Variants in GTPBP1 observed in about 807,000 individuals in gnomAD.
The protein encoded by GTPBP1 is GTP binding protein 1, also known as GTP-binding protein 1.
Under a neutral mutation model 62.0 loss-of-function variants are expected in GTPBP1, and 23 were observed. The ratio of observed to expected loss-of-function variants is 0.37; its 90% CI spans 0.27 to 0.53. The LOEUF (loss-of-function observed/expected upper bound fraction) is 0.53, where lower values mean the gene tolerates loss of function less well. GTPBP1 is among the 20% of genes least tolerant of loss of function. The pLI, the probability that GTPBP1 is intolerant of heterozygous loss-of-function variation, is 0.89. For synonymous variants in GTPBP1, 344 were observed against 364.4 expected (o/e 0.94, Z 0.64); for missense variants, 640 against 917.3 (o/e 0.70, Z 3.90).
downstream of GTPBP1, chr22:38,740,575 G>C (rs972157489): frequency 5.6e-6 from 5 of 885,660 alleles, no homozygotes; most frequent in South Asian, 1.1e-4. The surrounding 1 kb of genome is among the most constrained non-coding windows in gnomAD (Gnocchi z 4.8). Flanking sequence ...AAGGGGCAAG[G>C]CCTCTCCTGG....
downstream of GTPBP1, chr22:38,737,782 C>A (rs1262553566): frequency 4.9e-6 from 2 of 405,278 alleles, no homozygotes; most frequent in Non-Finnish European, 9.8e-6. This position sits in a 1 kb window ranked among gnomAD's most constrained non-coding sequence, Gnocchi z 4.1. Context: ...GATCGGATGC[C>A]CACTGAAGTT....
At chr22:38,725,789 T>C in intron 6 of GTPBP1, 2 of 568,318 alleles carry the variant, frequency 3.5e-6, no homozygotes, top group South Asian at 4.4e-5. Context: ...GAGACAGAAC[T>C]GAGTGAGAGA....
chr22:38,723,290 AAAT>A (rs1353314134), intron 5 of GTPBP1: 3 of 887,002 alleles, frequency 3.4e-6, no homozygotes, highest in African/African-American at 3.3e-5. Flanking sequence ...TGTACCCTTA[AAAT>A]AGGGTGCATG....
chr22:38,729,461 G>A lies in GTPBP1; in HGVS notation c.1717-1G>A. The A allele has an allele frequency of 6.3e-7, 1 of 1,596,276 alleles. No individual in the cohort carries two copies. The highest frequency in any genetic ancestry group is 1.1e-5 in the South Asian group (1 of 89,276). ...TCAGCCTCTCTCCATGGCTCCCACA[G>A]CTCCTCCAGACCACCAACAACTCCC... On this transcript the variant is annotated splice_acceptor_variant, in intron 10 of 11. Transcript: ENST00000216044. LOFTEE classifies it high-confidence loss of function.
Position 38,727,365 on chromosome 22 carries a change from C to A in GTPBP1, c.1537+17C>A. 1 of 1,532,726 alleles carries A rather than the reference C, an allele frequency of 6.5e-7. No homozygotes were observed. The highest frequency in any genetic ancestry group is 8.8e-7 in the Non-Finnish European group (1 of 1,137,422). The allele number at this position is 1,532,726 out of a possible 1,614,324, so 94.9% of individuals were successfully genotyped here. A position where few individuals can be genotyped will look rare whatever the true frequency, so the allele number is the denominator to read the frequency against. On this transcript the variant is annotated intron_variant, in intron 9 of 11. Transcript: ENST00000216044. This position sits in a 1 kb window ranked among gnomAD's most constrained non-coding sequence, Gnocchi z 6.5. ...AGGCCATGGGTAGGTGTCTAAGGCC[C>A]TGCCAGCCCAGGAGGCCGTCGTGTT...
Position 38,716,939 on chromosome 22 carries a change from A to G in GTPBP1, c.773A>G (p.Lys258Arg). 6.2e-7 allele frequency: 1 copy of G among 1,614,046 alleles called. No homozygotes were observed. The highest frequency in any genetic ancestry group is 8.5e-7 in the Non-Finnish European group (1 of 1,179,904). Residue 258 changes from lysine (K) to arginine (R), a missense_variant, in exon 4 of 12, where the codon AAG (lysine) becomes AGG (arginine). By Grantham distance (26) the Lys-to-Arg change is conservative. Around this residue, in one of 4 missense-constraint regions of GTPBP1, gnomAD observed 88 missense variants for 217.0 expected, o/e 0.41. Coordinates refer to ENST00000216044, the MANE Select transcript of GTPBP1 (RefSeq NM_004286.5). This position sits in a 1 kb window ranked among gnomAD's most constrained non-coding sequence, Gnocchi z 5.2. ...ITFIDLAGHE[K>R]YLKTTVFGMT... The stretch of plus-strand genomic sequence containing the variant: ...TTCATCGACTTGGCTGGTCATGAGA[A>G]GTACCTGAAAACCACTGTCTTCGGC...
chr22:38,713,256 A>G (rs2092650226), intron 2 of GTPBP1, among the ~76,000 whole-genome samples: 1 of 152,164 alleles, frequency 6.6e-6, no homozygotes, highest in Non-Finnish European at 1.5e-5. Context: ...AGCTTACAAG[A>G]AGAAAGTGAG....
rs1453021034 is a variant in GTPBP1, at chr22:38,727,502, C to G, written c.1537+154C>G. 5.3e-5 allele frequency among the ~76,000 whole-genome samples: 8 copies of G among 151,830 alleles called. No individual in the cohort carries two copies. Among genetic ancestry groups the G allele is most frequent in the Admixed American group, 2.6e-4 (4 of 15,248 alleles). ...CCGTTCCTTCTGTTCTACCCATGAG[C>G]CGCAGTGTTGATTCCTTCCCACAAA... On this transcript the variant is annotated intron_variant, in intron 9 of 11. Transcript: ENST00000216044. The surrounding 1 kb of genome is among the most constrained non-coding windows in gnomAD (Gnocchi z 6.5).
intron 4 of GTPBP1, among the ~76,000 whole-genome samples, chr22:38,717,770 G>A (rs1458740379): frequency 6.6e-6 from 1 of 152,182 alleles, no homozygotes; most frequent in Non-Finnish European, 1.5e-5. Context: ...GACAGACAGT[G>A]GGAGTGCTGA....
At chr22:38,734,965 C>T (rs2092789269), downstream of GTPBP1, 4 of 269,692 alleles carry the variant, frequency 1.5e-5, no homozygotes, top group African/African-American at 6.8e-5. Context: ...TCCCCGCAGC[C>T]AGACCACCAG....
chr22:38,707,120 A>G (rs1462058650), intron 1 of GTPBP1, among the ~76,000 whole-genome samples: 1 of 152,222 alleles, frequency 6.6e-6, no homozygotes, highest in Non-Finnish European at 1.5e-5. Context: ...AATATTTAAG[A>G]AGACACCTAA....
chr22:38,718,418 CAATG>C (rs1414918800), intron 4 of GTPBP1, among the ~76,000 whole-genome samples: 1 of 152,064 alleles, frequency 6.6e-6, no homozygotes, highest in African/African-American at 2.4e-5. Flanking sequence ...CTGTAGAAAA[CAATG>C]AAATATTTCA....
Position 38,727,130 on chromosome 22 carries a change from G to A in GTPBP1, c.1402-83G>A. ...AGAGTTGGGGTGGTCCCTATCCCTA[G>A]AAAGACTCTTGGTCCCTGGGACCAG... On this transcript the variant is annotated intron_variant, in intron 8 of 11. Coordinates refer to ENST00000216044, the MANE Select transcript of GTPBP1 (RefSeq NM_004286.5). The surrounding 1 kb of genome is among the most constrained non-coding windows in gnomAD (Gnocchi z 6.5). 2 of 1,363,210 alleles carry A rather than the reference G, an allele frequency of 1.5e-6. No homozygotes were observed. The highest frequency in any genetic ancestry group is 2.0e-6 in the Non-Finnish European group (2 of 1,015,612). The allele number at this position is 1,363,210 out of a possible 1,614,324, so 84.4% of individuals were successfully genotyped here.
intron 2 of GTPBP1, among the ~76,000 whole-genome samples, chr22:38,709,252 A>G (rs2092624327): frequency 6.6e-6 from 1 of 152,052 alleles, no homozygotes; most frequent in African/African-American, 2.4e-5. Flanking sequence ...AGATCGTGCC[A>G]TTGTGCTCCA....
rs566782474 is a variant in GTPBP1 at position 38,716,594 on chromosome 22, G to A, written c.486-58G>A. 4.5e-5 allele frequency: 57 copies of A among 1,263,502 alleles called. No individual in the cohort carries two copies. The African/African-American group carries it at 6.9e-4, about 15-fold the overall frequency. 78.3% of individuals were successfully genotyped at this position (1,263,502 alleles called of 1,614,324 possible). A position where few individuals can be genotyped will look rare whatever the true frequency, so the allele number is the denominator to read the frequency against. ...TCCAATTACTGGGGTTATGATGGTC[G>A]CTCCACCTCACTCATTCACTAACTC... On this transcript the variant is annotated intron_variant, in intron 3 of 11. Transcript: ENST00000216044. The surrounding 1 kb of genome is among the most constrained non-coding windows in gnomAD (Gnocchi z 5.2).
In GTPBP1 at chr22:38,705,998, C is replaced by G. The variant is rs1603160329; in HGVS notation, c.43C>G (p.Pro15Ala). Residue 15 changes from proline (P) to alanine (A), a missense_variant, in exon 1 of 12, where the codon CCG becomes GCG. This residue lies in a region of GTPBP1 where 215 missense variants were observed against 235.1 expected (regional missense o/e 0.91). Transcript: ENST00000216044. ...TCGCTCCGCGATGGACTCGCCGGTC[C>G]CGGCCTCTATGTTCGCCCCCGAGCC... ...RSRSAMDSPV[P>A]ASMFAPEPSS... 2 of 1,460,474 alleles carry G rather than the reference C, an allele frequency of 1.4e-6. No homozygotes were observed. The highest frequency in any genetic ancestry group is 9.0e-7 in the Non-Finnish European group (1 of 1,106,326). 90.5% of individuals were successfully genotyped at this position (1,460,474 alleles called of 1,614,324 possible).
chr22:38,730,837 C>CTGT lies in GTPBP1; in HGVS notation c.*133_*134insTGT. Reference sequence around the variant, plus strand: ...CACAGCCGGAGCCTCCGCATTGCCCCCACCCCCATTTTCCAGGGGGGTTGT... The same window carrying CTGT: ...CACAGCCGGAGCCTCCGCATTGCCCCTGTCACCCCCATTTTCCAGGGGGGTTGT... On this transcript the variant is annotated 3_prime_UTR_variant, in exon 12 of 12. Transcript: ENST00000216044. The surrounding 1 kb of genome is among the most constrained non-coding windows in gnomAD (Gnocchi z 5.6). 1.8e-6 allele frequency: 1 copy of CTGT among 569,166 alleles called. No individual in the cohort carries two copies. Among genetic ancestry groups the CTGT allele is most frequent in the East Asian group, 3.2e-5 (1 of 30,774 alleles). The allele number at this position is 569,166 out of a possible 1,614,324, so 35.3% of individuals were successfully genotyped here.
rs1399690500 is a variant in GTPBP1 at position 38,716,763 on chromosome 22, C to T, written c.597C>T (p.His199=). Residue 199 remains histidine, a synonymous_variant, in exon 4 of 12, where the codon CAC becomes CAT. Transcript: ENST00000216044. This position sits in a 1 kb window ranked among gnomAD's most constrained non-coding sequence, Gnocchi z 5.2. ...RGFARQKLFR[H]KHEIESGRTS... Reference sequence around the variant, plus strand: ...TTGCCCGCCAGAAACTCTTCCGCCACAAACATGAAATTGAATCTGGTCGCA... The same window carrying T: ...TTGCCCGCCAGAAACTCTTCCGCCATAAACATGAAATTGAATCTGGTCGCA... The T allele has an allele frequency of 1.2e-6, 2 of 1,614,088 alleles. No homozygotes were observed. Among genetic ancestry groups the T allele is most frequent in the Non-Finnish European group, 1.7e-6 (2 of 1,179,968 alleles).
chr22:38,742,586 A>G (rs775200555), downstream of GTPBP1: 1 of 1,589,466 alleles, frequency 6.3e-7, no homozygotes, highest in East Asian at 2.3e-5. Flanking sequence ...CCACGGAGTG[A>G]GGGACCCTTG....
Sources: gnomAD v4.1 joint callset for allele counts (sites outside exome capture counted in the v4.1 genomes callset) on GRCh38, gnomAD v4.1.1 for gene constraint, gnomAD v4.1.1 regional missense constraint, Gnocchi (gnomAD v3.1) non-coding constraint, MANE v1.5 for transcripts, NCBI Gene and HGNC (gene_info 2026-07-23, HGNC 2026-07-21) for gene names.